The following TYW1B variants were observed in gnomAD, a reference collection of about 807,000 sequenced individuals.
TYW1B encodes tRNA-yW synthesizing protein 1 homolog B.
Under a neutral mutation model 86.9 loss-of-function variants are expected in TYW1B, and 73 were observed. The ratio of observed to expected loss-of-function variants is 0.84; its 90% CI spans 0.70 to 1.02. The LOEUF (loss-of-function observed/expected upper bound fraction) is 1.02. Among genes scored for constraint, TYW1B ranks in the 50% least tolerant of loss-of-function variants. The pLI is 0.00. For missense variants in TYW1B, 637 were observed against 827.4 expected (o/e 0.77, Z 2.82); for synonymous variants, 248 against 292.8 (o/e 0.85, Z 1.56).
intron 13 of TYW1B, among the ~76,000 whole-genome samples, chr7:72,614,590 G>A (rs540951545): frequency 2.0e-5 from 3 of 150,312 alleles, no homozygotes; most frequent in East Asian, 3.9e-4. Flanking sequence ...CCGAGGTTGC[G>A]TCACCACACT....
chr7:72,751,968 G>A (rs1166076648), intron 7 of TYW1B, among the ~76,000 whole-genome samples: 3 of 152,222 alleles, frequency 2.0e-5, no homozygotes, highest in African/African-American at 7.2e-5. Flanking sequence ...TGGAGAAGGA[G>A]AATGTCAGGC....
chr7:72,711,473 CTTTT>C (rs59438928), intron 10 of TYW1B, among the ~76,000 whole-genome samples: 22 of 56,966 alleles, frequency 3.9e-4, no homozygotes, highest in South Asian at 2.7e-3. Flanking sequence ...CTCTTTAATT[CTTTT>C]TTTTTTTTTT....
intron 10 of TYW1B, among the ~76,000 whole-genome samples, chr7:72,697,713 C>A (rs1272950264): frequency 6.6e-6 from 1 of 152,130 alleles, no homozygotes; most frequent in Non-Finnish European, 1.5e-5. Context: ...AAAAGGATAT[C>A]CTCTGCTCTC....
At chr7:72,678,483 T>C (rs1813788820) in intron 11 of TYW1B, among the ~76,000 whole-genome samples, 2 of 152,186 alleles carry the variant, frequency 1.3e-5, no homozygotes, top group African/African-American at 2.4e-5. Flanking sequence ...GGAAAGGCTA[T>C]TAAAGACATG....
rs547877071 is a variant in TYW1B at position 72,606,199 on chromosome 7, A to G, written c.1785+10473T>C. Among the ~76,000 whole-genome samples the G allele has an allele frequency of 2.4e-5, 3 of 123,484 alleles. No individual in the cohort carries two copies. The East Asian group carries it at 1.7e-3, about 70-fold the overall frequency. 81.0% of individuals were successfully genotyped at this position (123,484 alleles called of 152,430 possible). The stretch of plus-strand genomic sequence containing the variant: ...AATGGCTGCAGACAACTATTGGATA[A>G]AAAAAAAAAGAGTCCCAAGTAAAGG... On this transcript the variant is annotated intron_variant, in intron 13 of 13. Coordinates refer to ENST00000620995, the MANE Select transcript of TYW1B (RefSeq NM_001145440.3).
At position 72,757,669 on chromosome 7, in the gene TYW1B, T is replaced by C. The variant is rs1787615994; in HGVS notation, c.965-13068A>G. ...CAGAATCAATATGGAGTTACTGATG[T>C]TAAGAAAGCCCTGACAAACAGAGCT... On this transcript the variant is annotated intron_variant, in intron 7 of 13. Transcript: ENST00000620995. Among the ~76,000 whole-genome samples, 3 of 152,124 alleles carry C rather than the reference T, an allele frequency of 2.0e-5. No individual in the cohort carries two copies. In the South Asian group the frequency reaches 6.2e-4, roughly 32 times the overall value.
intron 10 of TYW1B, among the ~76,000 whole-genome samples, chr7:72,695,798 G>A (rs546366692): frequency 2.0e-5 from 3 of 151,966 alleles, no homozygotes; most frequent in East Asian, 1.9e-4. Flanking sequence ...GTCCCACTAC[G>A]TTACCTAGGC....
intron 9 of TYW1B, among the ~76,000 whole-genome samples, chr7:72,725,596 T>C (rs1400344812): frequency 6.6e-6 from 1 of 152,186 alleles, no homozygotes; most frequent in African/African-American, 2.4e-5. Context: ...GAGATTAACA[T>C]TTAAATTGCT....
intron 13 of TYW1B, among the ~76,000 whole-genome samples, chr7:72,585,686 C>A (rs1287910139): frequency 6.6e-6 from 1 of 152,138 alleles, no homozygotes; most frequent in Non-Finnish European, 1.5e-5. Flanking sequence ...GGTTTCCCTG[C>A]ACAAGTTCTC....
chr7:72,617,193 G>T (rs192642145), intron 12 of TYW1B, among the ~76,000 whole-genome samples: 4 of 151,982 alleles, frequency 2.6e-5, no homozygotes, highest in Non-Finnish European at 5.9e-5. Flanking sequence ...ATTATGAAGG[G>T]GTTATCACCC....
At chr7:72,774,695 C>T (rs551652317) in intron 7 of TYW1B, among the ~76,000 whole-genome samples, 10 of 152,032 alleles carry the variant, frequency 6.6e-5, no homozygotes, top group East Asian at 5.8e-4. Context: ...CACGCCACTG[C>T]GCTCCGGCCT....
rs1554476826 is a variant in TYW1B, at chr7:72,807,055, A to G, written c.723+11T>C. ...GGAAAGCATCAAGAGATGAACACAC[A>G]GGCGGTATACCTTGGTGTCTCTGTG... On this transcript the variant is annotated intron_variant, in intron 5 of 13. Coordinates refer to ENST00000620995, the MANE Select transcript of TYW1B (RefSeq NM_001145440.3). 3 of 1,609,338 alleles carry G rather than the reference A, an allele frequency of 1.9e-6. No homozygotes were observed. In the African/African-American group the frequency reaches 4.0e-5, roughly 22 times the overall value.
At chr7:72,595,386 C>A (rs2129567920) in intron 13 of TYW1B, among the ~76,000 whole-genome samples, 1 of 152,234 alleles carries the variant, frequency 6.6e-6, no homozygotes, top group East Asian at 1.9e-4. Flanking sequence ...AAAACAGGTT[C>A]ATCAACAATA....
chr7:72,735,769 C>A (rs187620411), intron 8 of TYW1B, among the ~76,000 whole-genome samples: 4,228 of 150,886 alleles, frequency 0.028, 74 homozygotes, highest in Non-Finnish European at 0.038. Context: ...ACTTGGGAGG[C>A]TGAGGGACAA....
At chr7:72,719,631 CAA>C (rs67560586) in intron 9 of TYW1B, among the ~76,000 whole-genome samples, 3 of 65,050 alleles carry the variant, frequency 4.6e-5, no homozygotes, top group Non-Finnish European at 8.1e-5. Flanking sequence ...ATTCCGTCTC[CAA>C]AAAAAAAAAA....
intron 11 of TYW1B, among the ~76,000 whole-genome samples, chr7:72,667,556 A>C (rs1813496811): frequency 6.6e-6 from 1 of 152,164 alleles, no homozygotes; most frequent in Non-Finnish European, 1.5e-5. Context: ...TCTATAAAAA[A>C]TACAAAAATT....
chr7:72,600,351 TTA>T (rs1157251874), intron 13 of TYW1B, among the ~76,000 whole-genome samples: 3 of 152,234 alleles, frequency 2.0e-5, no homozygotes, highest in Non-Finnish European at 4.4e-5. Context: ...CAGATCTAAC[TTA>T]TCTCTTTCAA....
intron 2 of TYW1B, among the ~76,000 whole-genome samples, chr7:72,816,002 C>G (rs1260142732): frequency 6.6e-6 from 1 of 152,132 alleles, no homozygotes; most frequent in Non-Finnish European, 1.5e-5. Context: ...GCACTCTAGC[C>G]TGGGCCACAG....
Position 72,621,160 on chromosome 7 carries a change from G to A in TYW1B, c.1618-4321C>T, listed in dbSNP as rs117220081. Among the ~76,000 whole-genome samples the A allele has an allele frequency of 5.5e-4, 84 of 152,180 alleles. 1 individual carries two copies. The East Asian group carries it at 0.015, about 28-fold the overall frequency. On this transcript the variant is annotated intron_variant, in intron 12 of 13. Transcript: ENST00000620995. ...TGTCCATCTGTCTGTCTCTCTGTCC[G>A]TCTGTCTGTCTCTCTTTCTCTGTCT...
Sources: allele counts gnomAD v4.1 joint callset (sites outside exome capture counted in the v4.1 genomes callset), GRCh38; gene constraint gnomAD v4.1.1; transcripts MANE v1.5; gene names NCBI Gene and HGNC (gene_info 2026-07-23, HGNC 2026-07-21).